PINK1: variants seen among roughly 807,000 people sequenced by gnomAD.
PINK1 encodes PTEN induced kinase 1.
Under a neutral mutation model 56.0 loss-of-function variants are expected in PINK1, and 58 were observed. That is an observed-to-expected ratio of 1.04 (90% confidence interval 0.84 to 1.29). The LOEUF (loss-of-function observed/expected upper bound fraction) is 1.29. PINK1 is among the 50% of genes most tolerant of loss of function. PINK1 has a pLI of 0.00. For missense variants in PINK1, 745 were observed against 777.9 expected (o/e 0.96, Z 0.50); for synonymous variants, 354 against 339.3 (o/e 1.04, Z -0.48).
intron 6 of PINK1, 146 bp from the exon 7 acceptor site, chr1:20,648,849 C>G: frequency 8.1e-7 from 1 of 1,239,404 alleles, no homozygotes; most frequent in Non-Finnish European, 1.2e-6. Context: ...TCTAAGCAGA[C>G]CCCTTCTGGG....
chr1:20,636,350 CTT>C (rs915401985), intron 1 of PINK1, among the ~76,000 whole-genome samples: 8 of 144,162 alleles, frequency 5.5e-5, no homozygotes, highest in East Asian at 2.0e-4. Flanking sequence ...TTGGATTTTC[CTT>C]TTTTTTTTTT....
At chr1:20,640,681 C>T (rs891963996) in intron 3 of PINK1, among the ~76,000 whole-genome samples, 2 of 152,168 alleles carry the variant, frequency 1.3e-5, no homozygotes, top group African/African-American at 4.8e-5. Flanking sequence ...AAGCCCATGT[C>T]CACCACCAGC....
rs758615369 is a variant in PINK1, at chr1:20,650,582, A to AGAAGT, written c.1639_1643dup (p.Cys548Ter). 2 of 1,614,108 alleles carry AGAAGT rather than the reference A, an allele frequency of 1.2e-6. No individual in the cohort carries two copies. The highest frequency in any genetic ancestry group is 2.7e-5 in the African/African-American group (2 of 74,944). Reference sequence around the variant, plus strand: ...ACTTTGTTGGCCAACAGGCTCACAGAGAAGTGTTGTGTGGAAACAAAAATG... The same window carrying AGAAGT: ...ACTTTGTTGGCCAACAGGCTCACAGAGAAGTGAAGTGTTGTGTGGAAACAAAAATG... On this transcript the variant is annotated frameshift_variant, in exon 8 of 8. Coordinates refer to ENST00000321556, the MANE Select transcript of PINK1 (RefSeq NM_032409.3). LOFTEE classifies it high-confidence loss of function.
intron 1 of PINK1, among the ~76,000 whole-genome samples, chr1:20,636,768 G>A (rs1422974962): frequency 6.6e-6 from 1 of 152,218 alleles, no homozygotes; most frequent in African/African-American, 2.4e-5. Context: ...GCTGGTCACA[G>A]AGGAAGGAGG....
At position 20,633,807 on chromosome 1, in the gene PINK1, G is replaced by A; in HGVS notation, c.259G>A (p.Val87Met). ...LAARLQRQFV[V>M]RAWGCAGPCG... ...GGCGCGGTTGCAGCGGCAGTTCGTG[G>A]TGCGGGCCTGGGGCTGCGCGGGCCC... Residue 87 changes from valine (V) to methionine (M), a missense_variant, in exon 1 of 8, where the codon GTG becomes ATG. Val to Met is a conservative substitution (Grantham distance 21). Transcript: ENST00000321556. 2 of 1,577,168 alleles carry A rather than the reference G, an allele frequency of 1.3e-6. No individual in the cohort carries two copies. Among genetic ancestry groups the A allele is most frequent in the Non-Finnish European group, 1.7e-6 (2 of 1,166,214 alleles).
rs769210254 is a variant in PINK1 at position 20,648,954 on chromosome 1, TG to T, written c.1252-38del. On this transcript the variant is annotated intron_variant, in intron 6 of 7. Coordinates refer to ENST00000321556, the MANE Select transcript of PINK1 (RefSeq NM_032409.3). The stretch of plus-strand genomic sequence containing the variant: ...ATGTGCAGGACATGAAAAGGTTAGA[TG>T]GGCGGGCAGCGTGATGTCTCACCCA... 7.5e-6 allele frequency: 12 copies of T among 1,593,766 alleles called. No homozygotes were observed. The East Asian group carries it at 2.7e-4, about 36-fold the overall frequency.
chr1:20,648,976 A>ACC lies in PINK1; in HGVS notation c.1252-17_1252-16dup, dbSNP rs2053228188. ...AGATGGGCGGGCAGCGTGATGTCTCACCCACTGCTTCTGAGCAGGTGTCCA... is the reference window on the plus strand; with the variant it reads ...AGATGGGCGGGCAGCGTGATGTCTCACCCCCACTGCTTCTGAGCAGGTGTCCA... On this transcript the variant is annotated intron_variant, in intron 6 of 7. Transcript: ENST00000321556. 1 of 1,609,968 alleles carries ACC rather than the reference A, an allele frequency of 6.2e-7. No homozygotes were observed.
chr1:20,633,954 T>C lies in PINK1; in HGVS notation c.387+19T>C, dbSNP rs547423601. 85 of 1,561,562 alleles carry C rather than the reference T, an allele frequency of 5.4e-5. 1 individual carries two copies. The South Asian group carries it at 9.0e-4, about 17-fold the overall frequency. On this transcript the variant is annotated intron_variant, in intron 1 of 7. Coordinates refer to ENST00000321556, the MANE Select transcript of PINK1 (RefSeq NM_032409.3). ...GATCCAGGTGAGCGGGGCCGGGTCC[T>C]AAGCCGAGCGGAGGACGGAGCTAAG...
intron 1 of PINK1, among the ~76,000 whole-genome samples, chr1:20,636,919 G>C: frequency 6.6e-6 from 1 of 152,222 alleles, no homozygotes; most frequent in East Asian, 1.9e-4. Context: ...AGACCAGCCT[G>C]GCAGCAGCCA....
chr1:20,645,982 T>A lies in PINK1; in HGVS notation c.1123+259T>A, dbSNP rs545963171. 2.0e-5 allele frequency among the ~76,000 whole-genome samples: 3 copies of A among 151,962 alleles called. No homozygotes were observed. The East Asian group carries it at 5.8e-4, about 29-fold the overall frequency. On this transcript the variant is annotated intron_variant, in intron 5 of 7. Coordinates refer to ENST00000321556, the MANE Select transcript of PINK1 (RefSeq NM_032409.3). ...CCTCAGTGCTGCAAGTTTTCCTAGG[T>A]AAATAAAGAGGCCCGGCACAGTGGC... is the stretch of plus-strand genomic sequence containing the variant.
At chr1:20,645,967 G>T (rs1352189800) in intron 5 of PINK1, among the ~76,000 whole-genome samples, 1 of 152,070 alleles carries the variant, frequency 6.6e-6, no homozygotes, top group African/African-American at 2.4e-5. Context: ...CCTCAGTGCT[G>T]CAAGTTTTCC....
At chr1:20,638,950 G>A (rs904998009) in intron 2 of PINK1, 2 of 152,274 alleles carry the variant, frequency 1.3e-5, no homozygotes, top group East Asian at 1.9e-4. Context: ...CTCAACTCTT[G>A]GAAGGACTCA....
At position 20,649,289 on chromosome 1, in the gene PINK1, C is replaced by T. The variant is rs2053234672; in HGVS notation, c.1488+58C>T. 3 of 1,570,484 alleles carry T rather than the reference C, an allele frequency of 1.9e-6. No homozygotes were observed. In the Admixed American group the frequency reaches 5.0e-5, roughly 26 times the overall value. The stretch of plus-strand genomic sequence containing the variant: ...TGGGTAGAAACCTCTGTTCTCGTTC[C>T]AGAGTGAAGGTCAGGTTTGGGCCAG... On this transcript the variant is annotated intron_variant, in intron 7 of 7. Coordinates refer to ENST00000321556, the MANE Select transcript of PINK1 (RefSeq NM_032409.3).
chr1:20,650,911 C>G lies in PINK1; in HGVS notation c.*220C>G, dbSNP rs949757554. 1.6e-6 allele frequency: 1 copy of G among 621,808 alleles called. No individual in the cohort carries two copies. Among genetic ancestry groups the G allele is most frequent in the Non-Finnish European group, 2.8e-6 (1 of 355,140 alleles). 38.5% of individuals were successfully genotyped at this position (621,808 alleles called of 1,614,324 possible). On this transcript the variant is annotated 3_prime_UTR_variant, in exon 8 of 8. Coordinates refer to ENST00000321556, the MANE Select transcript of PINK1 (RefSeq NM_032409.3). ...CTGAAAAGTGAATGGCCAAGCTGGT[C>G]TAGTAGATGAGGCTGGACTGAGGAG...
intron 7 of PINK1, chr1:20,649,764 CAAAAAA>C (rs34189469): frequency 3.0e-4 from 28 of 92,648 alleles, no homozygotes; most frequent in South Asian, 2.1e-3. Context: ...GTCTTTGTCT[CAAAAAA>C]AAAAAAAAAA....
Position 20,635,378 on chromosome 1 carries a change from G to A in PINK1, c.387+1443G>A, listed in dbSNP as rs867501745. On this transcript the variant is annotated intron_variant, in intron 1 of 7. Transcript: ENST00000321556. ...TACCCGGGCGCAGTGGTGGGCGCCTGTAATCCCAGCTACTTGGGAGACTGA... is the reference window on the plus strand; with the variant it reads ...TACCCGGGCGCAGTGGTGGGCGCCTATAATCCCAGCTACTTGGGAGACTGA... Among the ~76,000 whole-genome samples the A allele has an allele frequency of 5.3e-5, 8 of 152,152 alleles. No individual in the cohort carries two copies. The South Asian group carries it at 8.3e-4, about 16-fold the overall frequency.
intron 5 of PINK1, among the ~76,000 whole-genome samples, chr1:20,646,359 C>G (rs768173359): frequency 6.6e-6 from 1 of 151,952 alleles, no homozygotes; most frequent in Non-Finnish European, 1.5e-5. Context: ...TAAAAAATAA[C>G]TTTCGGCCGG....
chr1:20,645,509 T>G (rs1459926150), intron 4 of PINK1, 51 bp from the exon 5 acceptor site: 1 of 1,523,792 alleles, frequency 6.6e-7, no homozygotes, highest in Non-Finnish European at 9.0e-7. Flanking sequence ...AAAAAACGTA[T>G]TGGGAGTCGT....
Position 20,638,072 on chromosome 1 carries a change from G to A in PINK1, c.618G>A (p.Glu206=). The change falls in exon 2 of 8, where the codon GAG becomes GAA. Residue 206 remains glutamate (E), a synonymous_variant. Coordinates refer to ENST00000321556, the MANE Select transcript of PINK1 (RefSeq NM_032409.3). ...PGTSAPGEGQ[E]RAPGAPAFPL... is the part of the protein sequence containing the mutation. ...CCAGTGCACCAGGAGAAGGGCAGGA[G>A]CGAGCTCCGGGGGCCCCTGCCTTCC... is the stretch of plus-strand genomic sequence containing the variant. The A allele has an allele frequency of 6.2e-7, 1 of 1,614,138 alleles. No individual in the cohort carries two copies. The highest frequency in any genetic ancestry group is 1.1e-5 in the South Asian group (1 of 91,084).
Sources: allele counts gnomAD v4.1 joint callset (sites outside exome capture counted in the v4.1 genomes callset), GRCh38; gene constraint gnomAD v4.1.1; transcripts MANE v1.5; gene names NCBI Gene and HGNC (gene_info 2026-07-23, HGNC 2026-07-21).